The following IGFBP7 variants were observed in gnomAD, a reference collection of about 807,000 sequenced individuals.
IGFBP7 encodes the protein insulin like growth factor binding protein 7, also known as insulin-like growth factor-binding protein 7.
IGFBP7 carries 31 observed loss-of-function variants against 29.4 expected under a neutral mutation model. The observed-to-expected ratio is 1.05, with a 90% CI of 0.79 to 1.42. IGFBP7 has a LOEUF of 1.42. IGFBP7 is among the 40% of genes most tolerant of loss of function. IGFBP7 has a pLI of 0.00. For missense variants in IGFBP7, 393 were observed against 395.5 expected (o/e 0.99, Z 0.05); for synonymous variants, 172 against 174.9 (o/e 0.98, Z 0.13).
At chr4:57,050,848 G>C (rs537120628) in intron 1 of IGFBP7, among the ~76,000 whole-genome samples, 2 of 151,744 alleles carry the variant, frequency 1.3e-5, no homozygotes, top group East Asian at 3.9e-4. Context: ...ATGAGCCACT[G>C]TTCATGGCCT....
At chr4:57,099,684 G>A (rs1012621189) in intron 1 of IGFBP7, among the ~76,000 whole-genome samples, 12 of 152,170 alleles carry the variant, frequency 7.9e-5, no homozygotes, top group Admixed American at 3.3e-4. Context: ...TAGCACACTC[G>A]CTGATCCTTC....
At chr4:57,032,965 G>C (rs577095608) in intron 3 of IGFBP7, among the ~76,000 whole-genome samples, 1 of 152,314 alleles carries the variant, frequency 6.6e-6, no homozygotes, top group South Asian at 2.1e-4. Context: ...TGAACTCTTA[G>C]GAAAATACTA....
At position 57,094,972 on chromosome 4, in the gene IGFBP7, C is replaced by A. The variant is rs147738895; in HGVS notation, c.475+14905G>T. The stretch of plus-strand genomic sequence containing the variant: ...CTTCTAGTTTCAGCTGTCACACTAT[C>A]AAACAAGCACCCCTCCTACAGTCTG... On this transcript the variant is annotated intron_variant, in intron 1 of 4. Transcript: ENST00000295666. 3.5e-4 allele frequency among the ~76,000 whole-genome samples: 53 copies of A among 152,346 alleles called. No individual in the cohort carries two copies. The East Asian group carries it at 9.3e-3, about 27-fold the overall frequency.
At chr4:57,071,140 G>T (rs1469358106) in intron 1 of IGFBP7, among the ~76,000 whole-genome samples, 5 of 152,126 alleles carry the variant, frequency 3.3e-5, no homozygotes, top group African/African-American at 1.2e-4. Flanking sequence ...GCATATGTTG[G>T]TCAAAAGTGA....
chr4:57,109,977 G>A lies in IGFBP7; in HGVS notation c.375C>T (p.Thr125=), dbSNP rs766790048. 6.5e-7 allele frequency: 1 copy of A among 1,546,704 alleles called. No homozygotes were observed. The highest frequency in any genetic ancestry group is 8.7e-7 in the Non-Finnish European group (1 of 1,152,074). The change falls in exon 1 of 5, where the codon ACC becomes ACT. Residue 125 remains threonine, a synonymous_variant. Transcript: ENST00000295666. ...GCAGCTGGCAGCCGCTCGGGTAGGT[G>A]GTGCCGTCGCTGCCGCACACCGGGT... ...SRYPVCGSDG[T]TYPSGCQLRA...
chr4:57,056,446 A>G (rs774686396), intron 1 of IGFBP7, among the ~76,000 whole-genome samples: 6 of 152,068 alleles, frequency 3.9e-5, no homozygotes, highest in Non-Finnish European at 7.4e-5. Flanking sequence ...AATTTTTCTG[A>G]GTGCTAAGAG....
At chr4:57,063,465 C>A (rs11573079) in intron 1 of IGFBP7, among the ~76,000 whole-genome samples, 2,840 of 152,300 alleles carry the variant, frequency 0.019, 53 homozygotes, top group East Asian at 0.076. Flanking sequence ...TTGAGTGAAC[C>A]AATGTCACTA....
At chr4:57,092,297 TAAAAAA>T (rs532156294) in intron 1 of IGFBP7, among the ~76,000 whole-genome samples, 1 of 152,110 alleles carries the variant, frequency 6.6e-6, no homozygotes, top group African/African-American at 2.4e-5. Context: ...AAATTGAACT[TAAAAAA>T]AGAAAACTAT....
At chr4:57,065,480 G>A (rs1319594101) in intron 1 of IGFBP7, 2 of 152,222 alleles carry the variant, frequency 1.3e-5, no homozygotes, top group African/African-American at 4.8e-5. Context: ...AGAAGAGAAA[G>A]TGACTCACTC....
At chr4:57,068,471 A>T (rs1006458636) in intron 1 of IGFBP7, among the ~76,000 whole-genome samples, 1 of 152,264 alleles carries the variant, frequency 6.6e-6, no homozygotes, top group Middle Eastern at 3.4e-3. Flanking sequence ...ATAAGTAATG[A>T]GCTAATGCAC....
intron 1 of IGFBP7, among the ~76,000 whole-genome samples, chr4:57,053,306 C>G (rs1262237224): frequency 1.3e-5 from 2 of 151,974 alleles, no homozygotes; most frequent in South Asian, 4.1e-4. Flanking sequence ...CGTGAGCCAC[C>G]GCACCTGGCC....
chr4:57,056,569 T>C (rs1342340429), intron 1 of IGFBP7, among the ~76,000 whole-genome samples: 1 of 152,056 alleles, frequency 6.6e-6, no homozygotes, highest in Non-Finnish European at 1.5e-5. Flanking sequence ...ATCAGGGAAA[T>C]GGGGATGTCT....
intron 1 of IGFBP7, among the ~76,000 whole-genome samples, chr4:57,102,578 A>C (rs1725924782): frequency 6.6e-6 from 1 of 152,162 alleles, no homozygotes; most frequent in Admixed American, 6.5e-5. Flanking sequence ...TGTCCTCCTG[A>C]AGAACTGTAT....
chr4:57,051,162 T>C (rs892048258), intron 1 of IGFBP7, among the ~76,000 whole-genome samples: 3 of 151,140 alleles, frequency 2.0e-5, no homozygotes, highest in African/African-American at 7.4e-5. Context: ...GAAGGCACTA[T>C]GGCCAAGATG....
chr4:57,109,689 G>A (rs954248345), intron 1 of IGFBP7, 188 bp downstream of exon 1: 5 of 657,034 alleles, frequency 7.6e-6, no homozygotes, highest in South Asian at 2.1e-5. Context: ...AAAGGAGAAG[G>A]GGGGGCGTCG....
intron 2 of IGFBP7, among the ~76,000 whole-genome samples, chr4:57,035,919 A>T (rs1416244844): frequency 1.3e-5 from 2 of 152,258 alleles, no homozygotes; most frequent in Non-Finnish European, 2.9e-5. Context: ...AATGTCTGTT[A>T]ACACTGAAAC....
At position 57,031,356 on chromosome 4, in the gene IGFBP7, G is replaced by A; in HGVS notation, c.830-20C>T. On this transcript the variant is annotated intron_variant, in intron 4 of 4. Transcript: ENST00000295666. Reference sequence around the variant, plus strand: ...CTTCACCTGTTTAAAAAAAAAAAAAGATAAAAATTAGTTACATATGGGGAT... The same window carrying A: ...CTTCACCTGTTTAAAAAAAAAAAAAAATAAAAATTAGTTACATATGGGGAT... The A allele has an allele frequency of 3.9e-6, 6 of 1,527,110 alleles. No homozygotes were observed. The highest frequency in any genetic ancestry group is 2.3e-5 in the South Asian group (2 of 87,752). The allele number at this position is 1,527,110 out of a possible 1,614,324, so 94.6% of individuals were successfully genotyped here. A position where few individuals can be genotyped will look rare whatever the true frequency, so the allele number is the denominator to read the frequency against.
intron 1 of IGFBP7, among the ~76,000 whole-genome samples, chr4:57,088,561 G>T (rs758855279): frequency 6.6e-6 from 1 of 152,068 alleles, no homozygotes; most frequent in African/African-American, 2.4e-5. Context: ...ACATTTGAGG[G>T]CTGTTTCTGA....
chr4:57,031,236 A>C lies in IGFBP7; in HGVS notation c.*81T>G. ...CTAAAGTGTTAGTGGATTGGATTAAAAGAAACTTATTAGGCAAGAACAGGT... is the reference window on the plus strand; with the variant it reads ...CTAAAGTGTTAGTGGATTGGATTAACAGAAACTTATTAGGCAAGAACAGGT... On this transcript the variant is annotated 3_prime_UTR_variant, in exon 5 of 5. Transcript: ENST00000295666. 8.4e-7 allele frequency: 1 copy of C among 1,193,748 alleles called. No homozygotes were observed. Among genetic ancestry groups the C allele is most frequent in the Non-Finnish European group, 1.2e-6 (1 of 807,028 alleles). 73.9% of individuals were successfully genotyped at this position (1,193,748 alleles called of 1,614,324 possible). A position where few individuals can be genotyped will look rare whatever the true frequency, so the allele number is the denominator to read the frequency against.
Sources: gnomAD v4.1 joint callset for allele counts (sites outside exome capture counted in the v4.1 genomes callset) on GRCh38, gnomAD v4.1.1 for gene constraint, MANE v1.5 for transcripts, NCBI Gene and HGNC (gene_info 2026-07-23, HGNC 2026-07-21) for gene names.